Variants in CHST1 observed in about 807,000 individuals in gnomAD.
The protein encoded by CHST1 is Keratan sulfotransferase.
CHST1 carries 10 observed loss-of-function variants against 22.5 expected under a neutral mutation model. That is an observed-to-expected ratio of 0.44 (90% CI 0.27 to 0.75). The LOEUF is 0.75. Among genes scored for constraint, CHST1 ranks in the 30% least tolerant of loss-of-function variants. The probability of loss-of-function intolerance (pLI) is 0.15; values close to 1 mark genes in which losing one functional copy is unlikely to be tolerated. For missense variants in CHST1, 439 were observed against 576.1 expected (o/e 0.76, Z 2.44); for synonymous variants, 267 against 264.5 (o/e 1.01, Z -0.09).
intron 1 of CHST1, among the ~76,000 whole-genome samples, chr11:45,659,992 G>T (rs1008160096): frequency 1.3e-5 from 2 of 152,194 alleles, no homozygotes; most frequent in African/African-American, 4.8e-5. Flanking sequence ...GCTGGGTGAA[G>T]AGCATTAGGA....
chr11:45,649,759 C>T lies in CHST1; in HGVS notation c.1165G>A (p.Ala389Thr). ...VLAQLGYKIA[A>T]SEEELKNPSV... ...GGGTTCTTCAGCTCCTCCTCCGAGG[C>T]GGCGATCTTGTAGCCCAGCTGGGCC... Residue 389 changes from alanine to threonine, a missense_variant, in exon 4 of 4, where the codon GCC (alanine) becomes ACC (threonine). Ala to Thr is a moderately conservative substitution (Grantham distance 58). Coordinates refer to ENST00000308064, the MANE Select transcript of CHST1 (RefSeq NM_003654.6). The T allele has an allele frequency of 8.7e-6, 14 of 1,610,664 alleles. No homozygotes were observed. The highest frequency in any genetic ancestry group is 1.1e-5 in the Non-Finnish European group (13 of 1,179,370).
chr11:45,656,972 TA>T (rs959099130), intron 1 of CHST1, among the ~76,000 whole-genome samples: 1 of 152,050 alleles, frequency 6.6e-6, no homozygotes, highest in African/African-American at 2.4e-5. Flanking sequence ...CATTTCTCCC[TA>T]AAAAACTACT....
intron 1 of CHST1, among the ~76,000 whole-genome samples, chr11:45,663,146 T>G (rs1261265130): frequency 6.6e-6 from 1 of 151,346 alleles, no homozygotes; most frequent in Non-Finnish European, 1.5e-5. Context: ...TAAAGAGAGA[T>G]CCACAGCGGG....
intron 1 of CHST1, among the ~76,000 whole-genome samples, chr11:45,658,201 G>A (rs1042055305): frequency 3.3e-5 from 5 of 152,310 alleles, no homozygotes; most frequent in East Asian, 1.9e-4. Flanking sequence ...GAGGCCTTGC[G>A]TGAGGCTCTT....
Position 45,649,877 on chromosome 11 carries a change from G to T in CHST1, c.1047C>A (p.Thr349=), listed in dbSNP as rs148878468. The part of the protein sequence containing the change: ...DPTLGKHKYG[T]VRNSAATAEK... ...CGGCCGTGGCCGCCGAGTTTCGCAC[G>T]GTGCCGTATTTGTGCTTGCCCAGGG... is the stretch of plus-strand genomic sequence containing the variant. The change falls in exon 4 of 4, where the codon ACC becomes ACA. Residue 349 remains threonine (T), a synonymous_variant. Transcript: ENST00000308064. 1.9e-6 allele frequency: 3 copies of T among 1,611,178 alleles called. No individual in the cohort carries two copies. Among genetic ancestry groups the T allele is most frequent in the East Asian group, 4.5e-5 (2 of 44,858 alleles).
rs779003187 is a variant in CHST1 at position 45,650,785 on chromosome 11, A to T, written c.139T>A (p.Cys47Ser). 1.2e-6 allele frequency: 2 copies of T among 1,613,836 alleles called. No homozygotes were observed. The highest frequency in any genetic ancestry group is 1.7e-6 in the Non-Finnish European group (2 of 1,179,876). ...LAEAGLAERL[C>S]EESPTFAYNL... ...TAGGCGAAGGTGGGGCTCTCCTCGC[A>T]CAGTCGCTCGGCCAGCCCGGCCTCT... is the stretch of plus-strand genomic sequence containing the variant. The change falls in exon 4 of 4, where the codon TGC becomes AGC. Residue 47 changes from cysteine to serine, a missense_variant. Cys to Ser is a moderately radical substitution (Grantham distance 112). Transcript: ENST00000308064.
At position 45,655,560 on chromosome 11, in the gene CHST1, G is replaced by A. The variant is rs1393230114; in HGVS notation, c.-226-2954C>T. ...GCGGGAGGTGATGTTGCAAGATGCA[G>A]TGAGGTGTGAGGATGGCACGCCCAC... On this transcript the variant is annotated intron_variant, in intron 1 of 3. Transcript: ENST00000308064. Among the ~76,000 whole-genome samples the A allele has an allele frequency of 3.9e-5, 6 of 152,276 alleles. No homozygotes were observed. In the East Asian group the frequency reaches 1.2e-3, roughly 29 times the overall value.
intron 1 of CHST1, among the ~76,000 whole-genome samples, chr11:45,655,762 G>A (rs1170501136): frequency 6.6e-6 from 1 of 152,222 alleles, no homozygotes; most frequent in Non-Finnish European, 1.5e-5. Context: ...GCCTCCGGAT[G>A]GGTGACCTTG....
rs1490502105 is a variant in CHST1 at position 45,648,011 on chromosome 11, G to A, written c.*1677C>T. Among the ~76,000 whole-genome samples, 1 of 152,178 alleles carries A rather than the reference G, an allele frequency of 6.6e-6. No individual in the cohort carries two copies. The highest frequency in any genetic ancestry group is 1.5e-5 in the Non-Finnish European group (1 of 68,028). Reference sequence around the variant, plus strand: ...GTGACCTGCAGCCACCCCAGGGGCAGGTTTTCTTGGAATAAGAGCTGGGGA... The same window carrying A: ...GTGACCTGCAGCCACCCCAGGGGCAAGTTTTCTTGGAATAAGAGCTGGGGA... On this transcript the variant is annotated 3_prime_UTR_variant, in exon 4 of 4. Transcript: ENST00000308064.
At chr11:45,663,433 G>A (rs1489960189) in intron 1 of CHST1, among the ~76,000 whole-genome samples, 2 of 152,242 alleles carry the variant, frequency 1.3e-5, no homozygotes, top group East Asian at 3.8e-4. Flanking sequence ...TGGCTCAGGG[G>A]CCAGGACAGA....
intron 2 of CHST1, 33 bp downstream of exon 2, chr11:45,652,488 T>C (rs1345870753): frequency 6.6e-6 from 1 of 152,174 alleles, no homozygotes; most frequent in African/African-American, 2.4e-5. Context: ...AGGAAGTGGG[T>C]TAGCAGAAGT....
intron 1 of CHST1, among the ~76,000 whole-genome samples, chr11:45,661,426 T>C (rs1186408940): frequency 6.6e-6 from 1 of 152,186 alleles, no homozygotes; most frequent in Non-Finnish European, 1.5e-5. Context: ...TGAACACCAA[T>C]GAGGACAGCA....
intron 1 of CHST1, among the ~76,000 whole-genome samples, chr11:45,664,005 G>C (rs1430943270): frequency 6.6e-6 from 1 of 152,190 alleles, no homozygotes; most frequent in African/African-American, 2.4e-5. Flanking sequence ...GCCTGCCCAG[G>C]TAAGGTCTCT....
In CHST1 at chr11:45,649,593, G is replaced by T; in HGVS notation, c.*95C>A. ...GGCAGGAAGGACACGAAGATGAGGT[G>T]GGAGAGGGAGGGGTTAATAAGGCAA... On this transcript the variant is annotated 3_prime_UTR_variant, in exon 4 of 4. Transcript: ENST00000308064. 7.9e-7 allele frequency: 1 copy of T among 1,267,750 alleles called. No individual in the cohort carries two copies. Among genetic ancestry groups the T allele is most frequent in the South Asian group, 1.4e-5 (1 of 70,142 alleles). The allele number at this position is 1,267,750 out of a possible 1,614,324, so 78.5% of individuals were successfully genotyped here. A position where few individuals can be genotyped will look rare whatever the true frequency, so the allele number is the denominator to read the frequency against.
intron 1 of CHST1, among the ~76,000 whole-genome samples, chr11:45,655,500 G>T (rs1164433782): frequency 1.3e-5 from 2 of 152,208 alleles, no homozygotes; most frequent in Non-Finnish European, 2.9e-5. Flanking sequence ...GAATTCTGGG[G>T]CTGTTGGCTA....
intron 1 of CHST1, among the ~76,000 whole-genome samples, chr11:45,657,267 AG>A (rs1852073920): frequency 6.6e-6 from 1 of 151,272 alleles, no homozygotes; most frequent in Non-Finnish European, 1.5e-5. Flanking sequence ...TAAAACAGCA[AG>A]GCGTTTTTCT....
chr11:45,660,443 T>C (rs1026957213), intron 1 of CHST1, among the ~76,000 whole-genome samples: 10 of 152,156 alleles, frequency 6.6e-5, no homozygotes, highest in Admixed American at 1.3e-4. Flanking sequence ...GTGTCTTAAA[T>C]GGCTAGGAGC....
chr11:45,656,728 C>A lies in CHST1; in HGVS notation c.-226-4122G>T, dbSNP rs45555440. 6.2e-3 allele frequency among the ~76,000 whole-genome samples: 934 copies of A among 151,096 alleles called. 9 individuals carry two copies. Among genetic ancestry groups the A allele is most frequent in the African/African-American group, 0.02 (823 of 41,042 alleles). On this transcript the variant is annotated intron_variant, in intron 1 of 3. Transcript: ENST00000308064. ...CTCACTGTGCCTCCCACCCTCCCCCCCCAGGCACTGCCAGCCAGCTCTCCC... is the reference window on the plus strand; with the variant it reads ...CTCACTGTGCCTCCCACCCTCCCCCACCAGGCACTGCCAGCCAGCTCTCCC...
intron 3 of CHST1, 103 bp downstream of exon 3, chr11:45,651,890 G>A (rs1318817078): frequency 6.6e-6 from 1 of 152,464 alleles, no homozygotes; most frequent in Non-Finnish European, 1.5e-5. Context: ...GAGCCCACCT[G>A]AGCATCCTGT....
Sources: gnomAD v4.1 joint callset for allele counts (sites outside exome capture counted in the v4.1 genomes callset) on GRCh38, gnomAD v4.1.1 for gene constraint, MANE v1.5 for transcripts, NCBI Gene and HGNC (gene_info 2026-07-23, HGNC 2026-07-21) for gene names.